Variants in IL2RB observed in about 807,000 individuals in gnomAD.
IL2RB encodes the protein interleukin 2 receptor subunit beta.
In IL2RB, 17 loss-of-function variants were observed where a neutral mutation model predicts 44.2. That is an observed-to-expected ratio of 0.38 (90% CI 0.26 to 0.58). The LOEUF is 0.58. Ranked by LOEUF, IL2RB falls within the 20% of genes least tolerant of loss-of-function variation. The pLI, the probability that IL2RB is intolerant of heterozygous loss-of-function variation, is 0.63. For synonymous variants in IL2RB, 286 were observed against 297.9 expected (o/e 0.96, Z 0.41); for missense variants, 624 against 685.5 (o/e 0.91, Z 1.00).
At chr22:37,135,217 A>AGTGTGTGT in intron 8 of IL2RB, 111 bp downstream of exon 8, 2 of 675,634 alleles carry the variant, frequency 3.0e-6, no homozygotes, top group Admixed American at 4.5e-5. Context: ...TGTTCATGTA[A>AGTGTGTGT]GTGTGTGTGT....
chr22:37,174,387 C>T (rs911010252), intron 1 of IL2RB, among the ~76,000 whole-genome samples: 8 of 152,090 alleles, frequency 5.3e-5, no homozygotes, highest in Non-Finnish European at 1.2e-4. Flanking sequence ...GGAATTGGGC[C>T]AGCTGAAACC....
At chr22:37,135,060 G>A (rs555084162) in intron 8 of IL2RB, among the ~76,000 whole-genome samples, 66 of 152,248 alleles carry the variant, frequency 4.3e-4, no homozygotes, top group Non-Finnish European at 3.2e-4. Flanking sequence ...CCTTCCCCTC[G>A]GGTTGGTTCC....
At chr22:37,146,238 A>G (rs952431030) in intron 1 of IL2RB, among the ~76,000 whole-genome samples, 1 of 151,886 alleles carries the variant, frequency 6.6e-6, no homozygotes, top group African/African-American at 2.4e-5. Flanking sequence ...GCACCACCCC[A>G]TCTGCAGGCT....
chr22:37,135,988 TGGA>T (rs1441253269), intron 7 of IL2RB, among the ~76,000 whole-genome samples: 1 of 151,846 alleles, frequency 6.6e-6, no homozygotes. Context: ...GATTTCAGGG[TGGA>T]GAAGAGTGAA....
At position 37,127,175 on chromosome 22, in the gene IL2RB, G is replaced by A. The variant is rs1921157222; in HGVS notation, c.*921C>T. ...GTCTGTGAAGCCACTGTGGGAAGAT[G>A]CAGCAGGCATCCACTTTGTGGGGGG... On this transcript the variant is annotated 3_prime_UTR_variant, in exon 10 of 10. Coordinates refer to ENST00000216223, the MANE Select transcript of IL2RB (RefSeq NM_000878.5). The A allele has an allele frequency of 6.6e-6, 1 of 152,236 alleles. No individual in the cohort carries two copies. Among genetic ancestry groups the A allele is most frequent in the African/African-American group, 2.4e-5 (1 of 41,426 alleles). The allele number at this position is 152,236 out of a possible 1,614,324, so 9.4% of individuals were successfully genotyped here.
chr22:37,168,439 C>T (rs1448584063), intron 1 of IL2RB, among the ~76,000 whole-genome samples: 1 of 152,166 alleles, frequency 6.6e-6, no homozygotes, highest in Non-Finnish European at 1.5e-5. Context: ...GGCAGTGGGT[C>T]ATTGTGCAAA....
At chr22:37,152,893 C>T (rs1922546528), upstream of IL2RB, among the ~76,000 whole-genome samples, 1 of 149,650 alleles carries the variant, frequency 6.7e-6, no homozygotes, top group Non-Finnish European at 1.5e-5. Context: ...TTCCTGATTC[C>T]CTGTTTCAGA....
At chr22:37,138,981 C>T in intron 5 of IL2RB, 136 bp downstream of exon 5, 1 of 622,326 alleles carries the variant, frequency 1.6e-6, no homozygotes, top group Non-Finnish European at 2.9e-6. Context: ...ATCCCGAGAA[C>T]AGCGGGCGGT....
chr22:37,136,227 C>A lies in IL2RB; in HGVS notation c.703+1G>T. 1.2e-6 allele frequency: 2 copies of A among 1,608,722 alleles called. No homozygotes were observed. The highest frequency in any genetic ancestry group is 1.7e-6 in the Non-Finnish European group (2 of 1,178,472). ...CTCTCACCCTTGCCGCCCACCAGTA[C>A]CTGCAGGCTTTGTCCTGAAGGCCAG... is the stretch of plus-strand genomic sequence containing the variant. On this transcript the variant is annotated splice_donor_variant, in intron 7 of 9. Transcript: ENST00000216223. LOFTEE classifies it high-confidence loss of function.
intron 1 of IL2RB, among the ~76,000 whole-genome samples, chr22:37,163,450 C>G (rs939320550): frequency 1.3e-5 from 2 of 152,122 alleles, no homozygotes; most frequent in African/African-American, 2.4e-5. Flanking sequence ...AATGGGGGGG[C>G]CGCTTCTAGA....
intron 1 of IL2RB, among the ~76,000 whole-genome samples, chr22:37,161,337 G>GTCCTGGA (rs1439899101): frequency 1.2e-4 from 18 of 152,322 alleles, no homozygotes; most frequent in Admixed American, 3.3e-4. Flanking sequence ...CTCAGGTGCT[G>GTCCTGGA]TCCTGGATAT....
At chr22:37,143,213 G>A (rs1257635873) in intron 3 of IL2RB, among the ~76,000 whole-genome samples, 1 of 152,072 alleles carries the variant, frequency 6.6e-6, no homozygotes, top group Non-Finnish European at 1.5e-5. Context: ...CCTCTAGAGT[G>A]GAGTCCAGCC....
chr22:37,128,923 A>G lies in IL2RB; in HGVS notation c.904-75T>C. On this transcript the variant is annotated intron_variant, in intron 9 of 9. Transcript: ENST00000216223. This position sits in a 1 kb window ranked among gnomAD's most constrained non-coding sequence, Gnocchi z 4.5. ...CCACCCCTTCCTCTGGACTCTCAAC[A>G]GCTCCTAACTCCTCCTCCTCCTGAA... The G allele has an allele frequency of 3.4e-6, 5 of 1,482,146 alleles. No individual in the cohort carries two copies. Among genetic ancestry groups the G allele is most frequent in the Non-Finnish European group, 4.5e-6 (5 of 1,107,758 alleles). The allele number at this position is 1,482,146 out of a possible 1,614,324, so 91.8% of individuals were successfully genotyped here.
chr22:37,160,364 A>T (rs1022387778), intron 1 of IL2RB, among the ~76,000 whole-genome samples: 14 of 152,188 alleles, frequency 9.2e-5, no homozygotes, highest in Non-Finnish European at 1.9e-4. Context: ...CAGAACCAGT[A>T]CCACGCAGCA....
chr22:37,134,829 G>T (rs1370010698), intron 8 of IL2RB, among the ~76,000 whole-genome samples: 1 of 152,174 alleles, frequency 6.6e-6, no homozygotes, highest in Non-Finnish European at 1.5e-5. Context: ...TGGAGCTGGG[G>T]CGCATGCATG....
chr22:37,175,074 G>A (rs1923410213), upstream of IL2RB: 1 of 152,174 alleles, frequency 6.6e-6, no homozygotes, highest in African/African-American at 2.4e-5. Context: ...AGGGGGAAGG[G>A]TCCCTTATAC....
intron 1 of IL2RB, among the ~76,000 whole-genome samples, chr22:37,167,286 G>GCT (rs1923116100): frequency 1.3e-5 from 2 of 151,866 alleles, no homozygotes; most frequent in Non-Finnish European, 2.9e-5. Flanking sequence ...CTGCCTCCAA[G>GCT]TGCCAAGCGC....
chr22:37,132,945 G>A (rs1921504363), intron 8 of IL2RB, among the ~76,000 whole-genome samples: 1 of 152,230 alleles, frequency 6.6e-6, no homozygotes, highest in Non-Finnish European at 1.5e-5. Context: ...TTAGGCTTGG[G>A]CAGGGAGTGG....
At chr22:37,149,451 T>C (rs1922383157) in intron 1 of IL2RB, among the ~76,000 whole-genome samples, 1 of 152,154 alleles carries the variant, frequency 6.6e-6, no homozygotes, top group Non-Finnish European at 1.5e-5. Flanking sequence ...GGCTCCCGCC[T>C]GTCCCACCCC....
Sources: allele counts gnomAD v4.1 joint callset (sites outside exome capture counted in the v4.1 genomes callset), GRCh38; gene constraint gnomAD v4.1.1; non-coding constraint Gnocchi (gnomAD v3.1); transcripts MANE v1.5; gene names NCBI Gene and HGNC (gene_info 2026-07-23, HGNC 2026-07-21).